The following ZDHHC18 variants were observed in gnomAD, a reference collection of about 807,000 sequenced individuals.
ZDHHC18 encodes the protein palmitoyltransferase ZDHHC18.
Under a neutral mutation model 37.5 loss-of-function variants are expected in ZDHHC18, and 23 were observed. The observed-to-expected ratio is 0.61, with a 90% confidence interval of 0.44 to 0.87. The LOEUF is 0.87. ZDHHC18 is among the 40% of genes least tolerant of loss of function. The pLI is 0.00. For missense variants in ZDHHC18, 406 were observed against 525.6 expected (o/e 0.77, Z 2.22); for synonymous variants, 185 against 218.7 (o/e 0.85, Z 1.36).
chr1:26,832,439 C>T lies in ZDHHC18; in HGVS notation c.336-8C>T, dbSNP rs769866651. On this transcript the variant is annotated splice_polypyrimidine_tract_variant and splice_region_variant and intron_variant, in intron 1 of 7. Coordinates refer to ENST00000374142, the MANE Select transcript of ZDHHC18 (RefSeq NM_032283.3). Reference sequence around the variant, plus strand: ...TGTCTGCTGATCTCTCTCCATCTCTCGTTCTAGCTGTCCCTACCTGGCTCG... The same window carrying T: ...TGTCTGCTGATCTCTCTCCATCTCTTGTTCTAGCTGTCCCTACCTGGCTCG... 3.7e-6 allele frequency: 6 copies of T among 1,613,974 alleles called. No individual in the cohort carries two copies. The highest frequency in any genetic ancestry group is 2.2e-5 in the East Asian group (1 of 44,890).
At chr1:26,841,508 T>G (rs987527602) in intron 2 of ZDHHC18, among the ~76,000 whole-genome samples, 4 of 152,110 alleles carry the variant, frequency 2.6e-5, no homozygotes, top group African/African-American at 9.7e-5. Context: ...AGCCAGTAAG[T>G]GATTGGAGTG....
At chr1:26,845,957 C>T (rs2081661707) in intron 2 of ZDHHC18, among the ~76,000 whole-genome samples, 1 of 151,832 alleles carries the variant, frequency 6.6e-6, no homozygotes, top group Non-Finnish European at 1.5e-5. Context: ...ATGAGTTTGT[C>T]AATTTTCACA....
In ZDHHC18 at chr1:26,854,045, G is replaced by A. The variant is rs2081721051; in HGVS notation, c.*202G>A. The A allele has an allele frequency of 5.1e-6, 3 of 591,872 alleles. No individual in the cohort carries two copies. The highest frequency in any genetic ancestry group is 5.9e-5 in the Admixed American group (2 of 33,910). The allele number at this position is 591,872 out of a possible 1,614,324, so 36.7% of individuals were successfully genotyped here. On this transcript the variant is annotated 3_prime_UTR_variant, in exon 8 of 8. Coordinates refer to ENST00000374142, the MANE Select transcript of ZDHHC18 (RefSeq NM_032283.3). This position sits in a 1 kb window ranked among gnomAD's most constrained non-coding sequence, Gnocchi z 4.6. ...CAAACCCAGGTTCCCACAGCCTTGG[G>A]CCCTAGGTACCCCAGCTGATCAGTG...
chr1:26,840,703 A>G (rs2081634668), intron 2 of ZDHHC18, among the ~76,000 whole-genome samples: 1 of 151,792 alleles, frequency 6.6e-6, no homozygotes, highest in Non-Finnish European at 1.5e-5. Context: ...CGGCCTCCCA[A>G]AGTGCAGGGA....
At chr1:26,833,369 G>A (rs769988210) in intron 2 of ZDHHC18, among the ~76,000 whole-genome samples, 8 of 152,162 alleles carry the variant, frequency 5.3e-5, no homozygotes, top group South Asian at 2.1e-4. Flanking sequence ...AGGGCTTGAC[G>A]GTGGGGTTAT....
Position 26,850,615 on chromosome 1 carries a change from T to C in ZDHHC18, c.833+9T>C, listed in dbSNP as rs1212360918. ...AAGGAGACACCAGCAAGATATCCTT[T>C]GTCAGCTAGAGGACACTCCAGTGGG... On this transcript the variant is annotated intron_variant, in intron 5 of 7. Transcript: ENST00000374142. The surrounding 1 kb of genome is among the most constrained non-coding windows in gnomAD (Gnocchi z 6.1). 1.2e-6 allele frequency: 2 copies of C among 1,614,006 alleles called. No individual in the cohort carries two copies. Among genetic ancestry groups the C allele is most frequent in the African/African-American group, 2.7e-5 (2 of 74,934 alleles).
At chr1:26,843,995 G>A (rs1211853583) in intron 2 of ZDHHC18, among the ~76,000 whole-genome samples, 5 of 151,926 alleles carry the variant, frequency 3.3e-5, no homozygotes, top group Non-Finnish European at 7.4e-5. Context: ...GCCTATTTTT[G>A]AACATTTTGT....
At chr1:26,846,256 ATC>A (rs1248278086) in intron 2 of ZDHHC18, among the ~76,000 whole-genome samples, 4 of 131,508 alleles carry the variant, frequency 3.0e-5, no homozygotes, top group African/African-American at 1.2e-4. Context: ...ATAGATATAT[ATC>A]TCTATAGAGA....
chr1:26,832,686 T>A (rs112162683), intron 2 of ZDHHC18, 79 bp downstream of exon 2: 1 of 1,541,702 alleles, frequency 6.5e-7, no homozygotes. Flanking sequence ...TGGTTTTCTC[T>A]TCCAAAACTA....
chr1:26,852,734 G>T lies in ZDHHC18; in HGVS notation c.937-19G>T. On this transcript the variant is annotated intron_variant, in intron 6 of 7. Coordinates refer to ENST00000374142, the MANE Select transcript of ZDHHC18 (RefSeq NM_032283.3). ...AAGCAAAAGGAGGTACTTGACCTAG[G>T]CCTCCTTCCTGCTTGCAGATCAAAG... 9 of 1,610,258 alleles carry T rather than the reference G, an allele frequency of 5.6e-6. No individual in the cohort carries two copies. The highest frequency in any genetic ancestry group is 7.6e-6 in the Non-Finnish European group (9 of 1,176,642).
chr1:26,846,114 A>G (rs1309402561), intron 2 of ZDHHC18, among the ~76,000 whole-genome samples: 3 of 134,160 alleles, frequency 2.2e-5, no homozygotes, highest in Non-Finnish European at 3.5e-5. Flanking sequence ...GTGTGTGTGT[A>G]TATATATATG....
chr1:26,846,286 GTGTGTATA>G (rs1248225227), intron 2 of ZDHHC18, among the ~76,000 whole-genome samples: 1 of 43,306 alleles, frequency 2.3e-5, no homozygotes, highest in African/African-American at 1.6e-4. Context: ...GTGTGTGTGT[GTGTGTATA>G]TATATATATA....
intron 2 of ZDHHC18, among the ~76,000 whole-genome samples, chr1:26,846,459 T>G (rs1382583026): frequency 6.7e-6 from 1 of 149,706 alleles, no homozygotes; most frequent in Non-Finnish European, 1.5e-5. Flanking sequence ...CCCGAGTAGC[T>G]GGGACTACAG....
chr1:26,843,946 G>T (rs556349053), intron 2 of ZDHHC18, among the ~76,000 whole-genome samples: 1 of 152,072 alleles, frequency 6.6e-6, no homozygotes, highest in Non-Finnish European at 1.5e-5. Context: ...CTCTCCAAGG[G>T]TTACACAATC....
At position 26,831,986 on chromosome 1, in the gene ZDHHC18, C is replaced by T. The variant is rs573361855; in HGVS notation, c.336-461C>T. On this transcript the variant is annotated intron_variant, in intron 1 of 7. Transcript: ENST00000374142. Reference sequence around the variant, plus strand: ...CCATAAGCCACAAGGGGGAGGGACTCTTGTCTTATCCGTCGTCATTATTCC... The same window carrying T: ...CCATAAGCCACAAGGGGGAGGGACTTTTGTCTTATCCGTCGTCATTATTCC... 2.6e-5 allele frequency: 4 copies of T among 155,080 alleles called. No individual in the cohort carries two copies. In the South Asian group the frequency reaches 7.2e-4, roughly 28 times the overall value. The allele number at this position is 155,080 out of a possible 1,614,324, so 9.6% of individuals were successfully genotyped here.
In ZDHHC18 at chr1:26,854,568, A is replaced by G. The variant is rs996872204; in HGVS notation, c.*725A>G. 2 of 152,484 alleles carry G rather than the reference A, an allele frequency of 1.3e-5. No individual in the cohort carries two copies. Among genetic ancestry groups the G allele is most frequent in the Non-Finnish European group, 2.9e-5 (2 of 68,010 alleles). 9.4% of individuals were successfully genotyped at this position (152,484 alleles called of 1,614,324 possible). A position where few individuals can be genotyped will look rare whatever the true frequency, so the allele number is the denominator to read the frequency against. On this transcript the variant is annotated 3_prime_UTR_variant, in exon 8 of 8. Coordinates refer to ENST00000374142, the MANE Select transcript of ZDHHC18 (RefSeq NM_032283.3). This position sits in a 1 kb window ranked among gnomAD's most constrained non-coding sequence, Gnocchi z 4.6. ...TTCCCCTGCCCATGGAGAGCTCTTTAAGGGATCCCAGCCTGCCCCTCCACT... is the reference window on the plus strand; with the variant it reads ...TTCCCCTGCCCATGGAGAGCTCTTTGAGGGATCCCAGCCTGCCCCTCCACT...
At position 26,853,992 on chromosome 1, in the gene ZDHHC18, C is replaced by G; in HGVS notation, c.*149C>G. On this transcript the variant is annotated 3_prime_UTR_variant, in exon 8 of 8. Transcript: ENST00000374142. Reference sequence around the variant, plus strand: ...CCCATCCTGCGTGGCTTTCCCTGAACTGTTCCGTGGCTGTGCCCTCTGCTC... The same window carrying G: ...CCCATCCTGCGTGGCTTTCCCTGAAGTGTTCCGTGGCTGTGCCCTCTGCTC... The G allele has an allele frequency of 1.3e-6, 1 of 753,458 alleles. No individual in the cohort carries two copies. The highest frequency in any genetic ancestry group is 2.2e-6 in the Non-Finnish European group (1 of 457,768). 46.7% of individuals were successfully genotyped at this position (753,458 alleles called of 1,614,324 possible).
chr1:26,837,143 C>CT (rs907819926), intron 2 of ZDHHC18, among the ~76,000 whole-genome samples: 3 of 147,778 alleles, frequency 2.0e-5, no homozygotes, highest in African/African-American at 7.4e-5. Flanking sequence ...GTCCCAGCTA[C>CT]TCGGGAGGCT....
intron 2 of ZDHHC18, among the ~76,000 whole-genome samples, chr1:26,837,999 C>CT (rs879927496): frequency 6.3e-4 from 89 of 140,500 alleles, no homozygotes; most frequent in African/African-American, 8.1e-4. Flanking sequence ...TTGTTGCTTG[C>CT]TTTTTTTTTT....
Sources: allele counts gnomAD v4.1 joint callset (sites outside exome capture counted in the v4.1 genomes callset), GRCh38; gene constraint gnomAD v4.1.1; non-coding constraint Gnocchi (gnomAD v3.1); transcripts MANE v1.5; gene names NCBI Gene and HGNC (gene_info 2026-07-23, HGNC 2026-07-21).